PRKG1: variants seen among roughly 807,000 people sequenced by gnomAD.
The protein encoded by PRKG1 is protein kinase cGMP-dependent 1.
In PRKG1, 35 loss-of-function variants were observed where a neutral mutation model predicts 88.1. The observed-to-expected ratio is 0.40, with a 90% CI of 0.30 to 0.53. The LOEUF (loss-of-function observed/expected upper bound fraction) is 0.53. Ranked by LOEUF, PRKG1 falls within the 20% of genes least tolerant of loss-of-function variation. PRKG1 has a pLI of 0.59. For missense variants in PRKG1, 540 were observed against 839.8 expected (o/e 0.64, Z 4.41); for synonymous variants, 303 against 292.5 (o/e 1.04, Z -0.37).
At chr10:52,004,136 A>G (rs1254977447) in intron 5 of PRKG1, among the ~76,000 whole-genome samples, 1 of 152,200 alleles carries the variant, frequency 6.6e-6, no homozygotes, top group Non-Finnish European at 1.5e-5. Context: ...AAGACATTGA[A>G]TTTGTAAACT....
chr10:52,191,964 T>C (rs1349810986), intron 9 of PRKG1, among the ~76,000 whole-genome samples: 3 of 152,324 alleles, frequency 2.0e-5, no homozygotes, highest in Non-Finnish European at 2.9e-5. Flanking sequence ...TCCTCATTCA[T>C]TCAAGACAAG....
chr10:51,412,371 A>C (rs541213583), intron 2 of PRKG1, among the ~76,000 whole-genome samples: 15 of 152,180 alleles, frequency 9.9e-5, no homozygotes, highest in African/African-American at 3.6e-4. Context: ...TCCTAAGGGC[A>C]TAGTGTCTCA....
At chr10:51,031,970 T>C (rs1428952670) in intron 1 of PRKG1, among the ~76,000 whole-genome samples, 3 of 152,200 alleles carry the variant, frequency 2.0e-5, no homozygotes, top group Non-Finnish European at 4.4e-5. Flanking sequence ...GCATATCATT[T>C]ATATGAAGCA....
At chr10:51,208,215 G>A (rs1010591295) in intron 2 of PRKG1, among the ~76,000 whole-genome samples, 1 of 152,220 alleles carries the variant, frequency 6.6e-6, no homozygotes, top group African/African-American at 2.4e-5. Context: ...TGTGGAGTGT[G>A]TTTATATGGA....
At chr10:51,584,759 T>C (rs2132194255) in intron 3 of PRKG1, among the ~76,000 whole-genome samples, 1 of 152,212 alleles carries the variant, frequency 6.6e-6, no homozygotes, top group East Asian at 1.9e-4. Context: ...TTCAGAAAAT[T>C]GAGGCTCAGA....
At chr10:51,805,958 T>C (rs1187438004) in intron 4 of PRKG1, among the ~76,000 whole-genome samples, 1 of 152,168 alleles carries the variant, frequency 6.6e-6, no homozygotes, top group African/African-American at 2.4e-5. Flanking sequence ...ATTTGAAATT[T>C]AATATGGTTT....
At chr10:51,581,002 G>A (rs1171997890) in intron 3 of PRKG1, among the ~76,000 whole-genome samples, 1 of 148,470 alleles carries the variant, frequency 6.7e-6, no homozygotes, top group East Asian at 1.9e-4. Flanking sequence ...TGAAAGCTGG[G>A]TCCAGGGGGG....
At chr10:51,017,362 T>C (rs117254580) in intron 1 of PRKG1, among the ~76,000 whole-genome samples, 77 of 152,340 alleles carry the variant, frequency 5.1e-4, no homozygotes, top group Non-Finnish European at 9.1e-4. Context: ...GTATCATATC[T>C]TCATTCTCAC....
chr10:51,840,610 G>A lies in PRKG1; in HGVS notation c.698+35920G>A, dbSNP rs181535280. ...CACCTAGGCTGGAGTGCAGTGGCGCGACCTCAGCTCACTGGAACCTCTGCC... is the reference window on the plus strand; with the variant it reads ...CACCTAGGCTGGAGTGCAGTGGCGCAACCTCAGCTCACTGGAACCTCTGCC... On this transcript the variant is annotated intron_variant, in intron 4 of 17. Transcript: ENST00000373980. 2.3e-3 allele frequency among the ~76,000 whole-genome samples: 351 copies of A among 151,670 alleles called. 1 individual carries two copies. Among genetic ancestry groups the A allele is most frequent in the African/African-American group, 8.3e-3 (342 of 41,332 alleles).
At chr10:52,275,188 A>C (rs529334668) in intron 12 of PRKG1, among the ~76,000 whole-genome samples, 1 of 152,250 alleles carries the variant, frequency 6.6e-6, no homozygotes, top group Admixed American at 6.5e-5. Flanking sequence ...CAGTTAAACT[A>C]GGTCCCAGCT....
At chr10:52,046,374 C>T (rs151208936) in intron 5 of PRKG1, among the ~76,000 whole-genome samples, 1 of 152,166 alleles carries the variant, frequency 6.6e-6, no homozygotes, top group East Asian at 1.9e-4. Flanking sequence ...GAAAGCCCTT[C>T]CCCCTTCTTC....
chr10:51,772,836 T>C (rs1160770541), intron 3 of PRKG1, among the ~76,000 whole-genome samples: 6 of 152,130 alleles, frequency 3.9e-5, no homozygotes, highest in Admixed American at 2.0e-4. Context: ...AAAATGGAGA[T>C]TGATGGCTAA....
chr10:51,932,429 T>C (rs1842713788), intron 5 of PRKG1, among the ~76,000 whole-genome samples: 1 of 152,172 alleles, frequency 6.6e-6, no homozygotes. Flanking sequence ...TGTTGAATCT[T>C]TGGACAACTC....
intron 3 of PRKG1, among the ~76,000 whole-genome samples, chr10:51,478,705 C>A: frequency 6.7e-6 from 1 of 150,164 alleles, no homozygotes. Context: ...AAAAGTTATC[C>A]ATGAAGCTTA....
intron 9 of PRKG1, among the ~76,000 whole-genome samples, chr10:52,169,275 C>G (rs1314058002): frequency 6.6e-6 from 1 of 152,164 alleles, no homozygotes; most frequent in African/African-American, 2.4e-5. Flanking sequence ...GGCTTATAAA[C>G]AGTAGAAATT....
chr10:52,044,670 A>G (rs144685334), intron 5 of PRKG1, among the ~76,000 whole-genome samples: 2 of 152,280 alleles, frequency 1.3e-5, no homozygotes, highest in African/African-American at 4.8e-5. Flanking sequence ...TCCAGATTAT[A>G]CTTATCTTAC....
intron 2 of PRKG1, among the ~76,000 whole-genome samples, chr10:51,378,685 T>G (rs1000871433): frequency 6.6e-6 from 1 of 152,208 alleles, no homozygotes; most frequent in Non-Finnish European, 1.5e-5. Context: ...CCAATAGACC[T>G]GAGTTTCAGT....
intron 9 of PRKG1, among the ~76,000 whole-genome samples, chr10:52,171,873 G>A (rs1589671107): frequency 7.3e-6 from 1 of 137,920 alleles, no homozygotes; most frequent in African/African-American, 2.8e-5. Flanking sequence ...CGCAATCTCG[G>A]CTCACTGCAA....
chr10:52,116,735 T>C (rs1847696198), intron 7 of PRKG1, among the ~76,000 whole-genome samples: 1 of 152,160 alleles, frequency 6.6e-6, no homozygotes, highest in Non-Finnish European at 1.5e-5. Context: ...CTAATGTTCA[T>C]TGAGGGCTTC....
Sources: allele counts gnomAD v4.1 joint callset (sites outside exome capture counted in the v4.1 genomes callset), GRCh38; gene constraint gnomAD v4.1.1; transcripts MANE v1.5; gene names NCBI Gene and HGNC (gene_info 2026-07-23, HGNC 2026-07-21).